The following PHF2 variants were observed in gnomAD, a reference collection of about 807,000 sequenced individuals.
The protein encoded by PHF2 is PHD finger protein 2.
PHF2 carries 27 observed loss-of-function variants against 120.5 expected under a neutral mutation model. The observed-to-expected ratio is 0.22, with a 90% CI of 0.17 to 0.31. The LOEUF (loss-of-function observed/expected upper bound fraction) is 0.31, where lower values mean the gene tolerates loss of function less well. Ranked by LOEUF, PHF2 falls within the 10% of genes least tolerant of loss-of-function variation. The pLI, the probability that PHF2 is intolerant of heterozygous loss-of-function variation, is 1.00. For missense variants in PHF2, 1,024 were observed against 1,434.8 expected (o/e 0.71, Z 4.63); for synonymous variants, 568 against 592.5 (o/e 0.96, Z 0.60).
In PHF2 at chr9:93,677,798, C is replaced by A; in HGVS notation, c.*122C>A. 1 of 691,880 alleles carries A rather than the reference C, an allele frequency of 1.4e-6. No individual in the cohort carries two copies. Among genetic ancestry groups the A allele is most frequent in the Non-Finnish European group, 2.5e-6 (1 of 394,966 alleles). 42.9% of individuals were successfully genotyped at this position (691,880 alleles called of 1,614,324 possible). ...GAGGGCCTTGCCTCTTCCCGGCTGCCATCTCCCCAACAAGCGTCTGTCCCT... is the reference window on the plus strand; with the variant it reads ...GAGGGCCTTGCCTCTTCCCGGCTGCAATCTCCCCAACAAGCGTCTGTCCCT... On this transcript the variant is annotated 3_prime_UTR_variant, in exon 22 of 22. Coordinates refer to ENST00000359246, the MANE Select transcript of PHF2 (RefSeq NM_005392.4). This position sits in a 1 kb window ranked among gnomAD's most constrained non-coding sequence, Gnocchi z 4.4.
intron 1 of PHF2, among the ~76,000 whole-genome samples, chr9:93,594,033 T>C (rs1350500385): frequency 6.6e-6 from 1 of 152,230 alleles, no homozygotes; most frequent in African/African-American, 2.4e-5. Context: ...ACAGATTTTA[T>C]GGACTGTGGG....
At chr9:93,586,683 T>C (rs1459758444) in intron 1 of PHF2, among the ~76,000 whole-genome samples, 1 of 152,212 alleles carries the variant, frequency 6.6e-6, no homozygotes, top group Non-Finnish European at 1.5e-5. Context: ...AGTCAAGAGG[T>C]TTGCCACGAC....
intron 1 of PHF2, among the ~76,000 whole-genome samples, chr9:93,583,817 T>C (rs145686499): frequency 0.014 from 1,995 of 142,366 alleles, 53 homozygotes; most frequent in African/African-American, 0.048. Flanking sequence ...GTATCCTTTT[T>C]TTTCTTTTCT....
chr9:93,621,665 G>C (rs1340795720), intron 1 of PHF2, among the ~76,000 whole-genome samples: 5 of 152,190 alleles, frequency 3.3e-5, no homozygotes, highest in Admixed American at 6.5e-5. Flanking sequence ...TTGTGCCTCT[G>C]AGTCCTTGTG....
chr9:93,653,701 C>T (rs10992829), intron 6 of PHF2, among the ~76,000 whole-genome samples: 50,236 of 150,420 alleles, frequency 0.33, 8,823 homozygotes, highest in Non-Finnish European at 0.4. Context: ...GCCAGGGCCC[C>T]GCACAGGAGC....
chr9:93,645,635 A>G lies in PHF2; in HGVS notation c.306A>G (p.Glu102=), dbSNP rs369272181. The change falls in exon 4 of 22, where the codon GAA becomes GAG. Residue 102 remains glutamate, a synonymous_variant. Transcript: ENST00000359246. ...ELRSRTFPSA[E]DVVARVPGSQ... Reference sequence around the variant, plus strand: ...GACCTGTGCTTCCCTGCAGTGCTGAAGACGTGGTGGCCCGTGTGCCAGGAA... The same window carrying G: ...GACCTGTGCTTCCCTGCAGTGCTGAGGACGTGGTGGCCCGTGTGCCAGGAA... 1.2e-5 allele frequency: 19 copies of G among 1,595,536 alleles called. No homozygotes were observed. In the African/African-American group the frequency reaches 1.6e-4, roughly 13 times the overall value.
Position 93,656,728 on chromosome 9 carries a change from G to A in PHF2, c.1147+133G>A, listed in dbSNP as rs986589483. The A allele has an allele frequency of 4.6e-6, 3 of 653,636 alleles. No individual in the cohort carries two copies. Among genetic ancestry groups the A allele is most frequent in the Non-Finnish European group, 8.2e-6 (3 of 366,238 alleles). The allele number at this position is 653,636 out of a possible 1,614,324, so 40.5% of individuals were successfully genotyped here. A position where few individuals can be genotyped will look rare whatever the true frequency, so the allele number is the denominator to read the frequency against. ...CCTGAGCAAGTCCTCTTGGGACTCA[G>A]ACCCCTGGGGCTCAGTTTCCCCATC... On this transcript the variant is annotated intron_variant, in intron 9 of 21. Coordinates refer to ENST00000359246, the MANE Select transcript of PHF2 (RefSeq NM_005392.4). The surrounding 1 kb of genome is among the most constrained non-coding windows in gnomAD (Gnocchi z 4.1).
intron 17 of PHF2, chr9:93,672,414 G>T (rs1307642827): frequency 1.1e-6 from 1 of 893,518 alleles, no homozygotes; most frequent in Non-Finnish European, 1.3e-6. Context: ...GCAGGTGTGG[G>T]TGTGGGAGTA....
At chr9:93,671,983 TGTGG>T (rs1402239427) in intron 17 of PHF2, among the ~76,000 whole-genome samples, 52 of 137,006 alleles carry the variant, frequency 3.8e-4, no homozygotes, top group Non-Finnish European at 4.4e-4. Context: ...CAGATGTGGG[TGTGG>T]GAGTAGGGTC....
intron 1 of PHF2, among the ~76,000 whole-genome samples, chr9:93,614,827 A>C (rs545696026): frequency 1.7e-4 from 24 of 140,666 alleles, no homozygotes; most frequent in African/African-American, 6.0e-4. Context: ...GGTGGTAATG[A>C]CGATGGTGGT....
intron 6 of PHF2, among the ~76,000 whole-genome samples, chr9:93,653,886 T>G (rs538462308): frequency 1.4e-3 from 206 of 152,228 alleles, no homozygotes; most frequent in Admixed American, 3.3e-3. Flanking sequence ...CAGCTGGACC[T>G]GGATCTGGGG....
chr9:93,596,887 T>TA (rs1825343213), intron 1 of PHF2, among the ~76,000 whole-genome samples: 1 of 151,324 alleles, frequency 6.6e-6, no homozygotes. Flanking sequence ...GTCTCCTGAG[T>TA]AGCTGGGACT....
Position 93,653,480 on chromosome 9 carries a change from C to G in PHF2, c.789+115C>G, listed in dbSNP as rs926831843. 7.6e-6 allele frequency: 8 copies of G among 1,053,138 alleles called. No individual in the cohort carries two copies. In the African/African-American group the frequency reaches 1.1e-4, roughly 15 times the overall value. 65.2% of individuals were successfully genotyped at this position (1,053,138 alleles called of 1,614,324 possible). Reference sequence around the variant, plus strand: ...CAGGATGCGACTCCCCAGAGGGCCCCTGGACTGTCCATCCCTGGGACAGGA... The same window carrying G: ...CAGGATGCGACTCCCCAGAGGGCCCGTGGACTGTCCATCCCTGGGACAGGA... On this transcript the variant is annotated intron_variant, in intron 6 of 21. Transcript: ENST00000359246.
At chr9:93,607,613 G>A (rs1825564425) in intron 1 of PHF2, among the ~76,000 whole-genome samples, 1 of 151,838 alleles carries the variant, frequency 6.6e-6, no homozygotes, top group African/African-American at 2.4e-5. Context: ...TGCTAAATGT[G>A]TAGATCAAAT....
chr9:93,622,206 C>T (rs1207957260), intron 1 of PHF2, among the ~76,000 whole-genome samples: 1 of 152,202 alleles, frequency 6.6e-6, no homozygotes, highest in African/African-American at 2.4e-5. Flanking sequence ...TTCACAGGCA[C>T]TGCTGGGGCC....
chr9:93,625,686 C>T (rs978839323), intron 1 of PHF2, among the ~76,000 whole-genome samples: 1 of 151,576 alleles, frequency 6.6e-6, no homozygotes, highest in Admixed American at 6.6e-5. Context: ...CCATGTTGGT[C>T]AGGCTGGTCT....
intron 17 of PHF2, 131 bp from the exon 18 acceptor site, chr9:93,673,454 T>C (rs528433303): frequency 1.4e-6 from 1 of 719,168 alleles, no homozygotes; most frequent in South Asian, 2.7e-5. Flanking sequence ...CCCTCTCTGC[T>C]CCACGCCCTC....
At position 93,613,508 on chromosome 9, in the gene PHF2, T is replaced by C. The variant is rs149693990; in HGVS notation, c.99-16462T>C. 4.1e-3 allele frequency among the ~76,000 whole-genome samples: 615 copies of C among 151,722 alleles called. 3 individuals are homozygous for C. The highest frequency in any genetic ancestry group is 0.014 in the African/African-American group (584 of 41,360). On this transcript the variant is annotated intron_variant, in intron 1 of 21. Coordinates refer to ENST00000359246, the MANE Select transcript of PHF2 (RefSeq NM_005392.4). ...GGCCTGGCTTGTCTTTAGGAACAGG[T>C]TCTGACTCAGTAGGTCCCGGTGGAG...
intron 17 of PHF2, among the ~76,000 whole-genome samples, chr9:93,669,577 A>G (rs3750362): frequency 0.61 from 93,240 of 152,178 alleles, 29,069 homozygotes; most frequent in Non-Finnish European, 0.68. Context: ...GCAGTCCAGT[A>G]TGTCTCAGAC....
Sources: allele counts gnomAD v4.1 joint callset (sites outside exome capture counted in the v4.1 genomes callset), GRCh38; gene constraint gnomAD v4.1.1; non-coding constraint Gnocchi (gnomAD v3.1); transcripts MANE v1.5; gene names NCBI Gene and HGNC (gene_info 2026-07-23, HGNC 2026-07-21).